The following SND1 variants were observed in gnomAD, a reference collection of about 807,000 sequenced individuals.
The protein encoded by SND1 is staphylococcal nuclease and tudor domain containing 1, also known as staphylococcal nuclease domain-containing protein 1.
Under a neutral mutation model 121.7 loss-of-function variants are expected in SND1, and 38 were observed. That is an observed-to-expected ratio of 0.31 (90% confidence interval 0.24 to 0.41). The LOEUF (loss-of-function observed/expected upper bound fraction) is 0.41. Ranked by LOEUF, SND1 falls within the 10% of genes least tolerant of loss-of-function variation. The pLI, the probability that SND1 is intolerant of heterozygous loss-of-function variation, is 1.00. For synonymous variants in SND1, 401 were observed against 447.4 expected (o/e 0.90, Z 1.31); for missense variants, 868 against 1,184.6 (o/e 0.73, Z 3.92).
Position 128,028,549 on chromosome 7 carries a change from G to C in SND1, c.1779+37493G>C. On this transcript the variant is annotated intron_variant, in intron 16 of 23. Transcript: ENST00000354725. ...TTGTCTTTAAATTTTAATATAATCT[G>C]TTTTTTTTAACCAGCCCATAGACTT... 3 of 831,826 alleles carry C rather than the reference G, an allele frequency of 3.6e-6. No homozygotes were observed. The East Asian group carries it at 8.3e-5, about 23-fold the overall frequency. The allele number at this position is 831,826 out of a possible 1,614,324, so 51.5% of individuals were successfully genotyped here. A position where few individuals can be genotyped will look rare whatever the true frequency, so the allele number is the denominator to read the frequency against.
intron 7 of SND1, among the ~76,000 whole-genome samples, 155 bp downstream of exon 7, chr7:127,703,478 C>G (rs1411764433): frequency 1.3e-5 from 2 of 152,174 alleles, no homozygotes; most frequent in Admixed American, 6.6e-5. Context: ...CTTTGGGAGG[C>G]CAAGGCGGGT....
At chr7:128,004,171 A>C (rs1262969368) in intron 16 of SND1, among the ~76,000 whole-genome samples, 2 of 151,908 alleles carry the variant, frequency 1.3e-5, no homozygotes, top group Non-Finnish European at 2.9e-5. Context: ...TCTGGAGATT[A>C]AGCAAGGGTG....
At chr7:127,845,498 GTAATATTTTTGAAC>G (rs1476933499) in intron 12 of SND1, among the ~76,000 whole-genome samples, 1 of 152,210 alleles carries the variant, frequency 6.6e-6, no homozygotes, top group African/African-American at 2.4e-5. Context: ...GACAAATCAA[GTAATATTTTTGAAC>G]TGGGAAAAAC....
At chr7:127,695,710 T>A (rs1795994578) in intron 3 of SND1, among the ~76,000 whole-genome samples, 3 of 152,052 alleles carry the variant, frequency 2.0e-5, no homozygotes, top group Non-Finnish European at 4.4e-5. Context: ...CCTGTAGTCG[T>A]AGCTACTCGG....
At chr7:127,668,324 C>T (rs1347810762) in intron 1 of SND1, among the ~76,000 whole-genome samples, 1 of 152,164 alleles carries the variant, frequency 6.6e-6, no homozygotes, top group Admixed American at 6.5e-5. Context: ...AAACTTTGAC[C>T]TTCCTCAAAG....
At chr7:128,009,183 G>T (rs1290421071) in intron 16 of SND1, among the ~76,000 whole-genome samples, 1 of 152,168 alleles carries the variant, frequency 6.6e-6, no homozygotes, top group Non-Finnish European at 1.5e-5. Context: ...AATTAAAACA[G>T]CATAAAATAG....
chr7:127,902,079 G>A (rs1430830540), intron 13 of SND1, among the ~76,000 whole-genome samples: 4 of 152,114 alleles, frequency 2.6e-5, no homozygotes, highest in African/African-American at 9.7e-5. Context: ...CTACTTTGTG[G>A]TCACAGAAAG....
intron 10 of SND1, among the ~76,000 whole-genome samples, chr7:127,779,970 T>C (rs1278054182): frequency 3.3e-5 from 5 of 152,190 alleles, no homozygotes; most frequent in African/African-American, 4.8e-5. Flanking sequence ...ATGGCGTTGT[T>C]TTTCTAGTTT....
At chr7:127,984,282 C>T (rs1360389333) in intron 15 of SND1, among the ~76,000 whole-genome samples, 2 of 152,226 alleles carry the variant, frequency 1.3e-5, no homozygotes, top group Non-Finnish European at 2.9e-5. Context: ...GTGTTGACCA[C>T]TTCAACTCTG....
intron 10 of SND1, among the ~76,000 whole-genome samples, chr7:127,736,776 C>A (rs1796783694): frequency 6.6e-6 from 1 of 152,172 alleles, no homozygotes; most frequent in African/African-American, 2.4e-5. Flanking sequence ...AACAGCTGAA[C>A]TTGCTGCTTC....
intron 10 of SND1, among the ~76,000 whole-genome samples, chr7:127,786,937 C>T (rs565215102): frequency 2.0e-5 from 3 of 152,282 alleles, no homozygotes; most frequent in South Asian, 2.1e-4. Context: ...CCACCGCGCC[C>T]GGCCTTGTTT....
chr7:128,043,530 T>C (rs1242092026), intron 16 of SND1, among the ~76,000 whole-genome samples: 1 of 151,844 alleles, frequency 6.6e-6, no homozygotes, highest in East Asian at 1.9e-4. Context: ...GCCGAGATTG[T>C]GCCACTGCAT....
chr7:128,058,892 AG>A (rs1191486125), intron 16 of SND1, among the ~76,000 whole-genome samples: 1 of 152,076 alleles, frequency 6.6e-6, no homozygotes. Context: ...CTGTCTCAGC[AG>A]GTGGGTGGGC....
intron 16 of SND1, among the ~76,000 whole-genome samples, chr7:128,033,324 T>C (rs1792686202): frequency 6.6e-6 from 1 of 152,182 alleles, no homozygotes; most frequent in African/African-American, 2.4e-5. Flanking sequence ...TGAGGCAATC[T>C]AGCTGAGCCC....
chr7:127,990,861 C>A, intron 15 of SND1, 86 bp from the exon 16 acceptor site: 2 of 817,682 alleles, frequency 2.4e-6, no homozygotes, highest in African/African-American at 1.7e-5. Flanking sequence ...GCCTGCTTCA[C>A]TGGAGGTGTC....
chr7:128,041,767 C>A (rs1383228763), intron 16 of SND1, among the ~76,000 whole-genome samples: 1 of 152,176 alleles, frequency 6.6e-6, no homozygotes, highest in Non-Finnish European at 1.5e-5. Context: ...TTGCTTATTT[C>A]TTTTTAACCA....
intron 10 of SND1, among the ~76,000 whole-genome samples, chr7:127,729,356 A>G (rs752980153): frequency 2.6e-5 from 4 of 151,588 alleles, no homozygotes; most frequent in Non-Finnish European, 4.4e-5. Context: ...TTTAAAATCA[A>G]TTAGAGATCT....
At chr7:127,722,057 A>G (rs908253224) in intron 10 of SND1, among the ~76,000 whole-genome samples, 1 of 152,188 alleles carries the variant, frequency 6.6e-6, no homozygotes, top group Non-Finnish European at 1.5e-5. Context: ...TTATGTAGCC[A>G]TAAGAGTTAT....
At chr7:127,834,750 G>A (rs937140497) in intron 11 of SND1, among the ~76,000 whole-genome samples, 1 of 152,148 alleles carries the variant, frequency 6.6e-6, no homozygotes, top group Non-Finnish European at 1.5e-5. Flanking sequence ...TATTCCTAAA[G>A]AATTATTGTG....
Sources: gnomAD v4.1 joint callset for allele counts (sites outside exome capture counted in the v4.1 genomes callset) on GRCh38, gnomAD v4.1.1 for gene constraint, MANE v1.5 for transcripts, NCBI Gene and HGNC (gene_info 2026-07-23, HGNC 2026-07-21) for gene names.